The following WDR44 variants were observed in gnomAD, a reference collection of about 807,000 sequenced individuals.
WDR44 encodes WD repeat domain 44.
In WDR44, 9 loss-of-function variants were observed where a neutral mutation model predicts 65.7. The observed-to-expected ratio is 0.14, with a 90% CI of 0.08 to 0.24. WDR44 has a LOEUF of 0.24. Among genes scored for constraint, WDR44 ranks in the 10% least tolerant of loss-of-function variants. The pLI is 1.00. For synonymous variants in WDR44, 220 were observed against 235.2 expected, an observed-to-expected ratio of 0.94 and a Z score of 0.59; for missense variants, 425 against 670.9, an observed-to-expected ratio of 0.63 and a Z score of 4.05.
At chrX:118,350,133 T>C (rs1371222281) in intron 1 of WDR44, among the ~76,000 whole-genome samples, 1 of 112,029 alleles carries the variant, frequency 8.9e-6, no homozygotes, top group East Asian at 2.8e-4. Flanking sequence ...AAATTCCACT[T>C]TCTTTCAGCA....
intron 14 of WDR44, among the ~76,000 whole-genome samples, chrX:118,440,949 C>CT (rs1214126337): frequency 0.062 from 3,114 of 50,325 alleles, 742 homozygotes; most frequent in East Asian, 0.12. Flanking sequence ...TAAATGAAAT[C>CT]TTTTTTTTTT....
At chrX:118,383,359 A>T (rs1005787006) in intron 2 of WDR44, among the ~76,000 whole-genome samples, 14 of 111,715 alleles carry the variant, frequency 1.3e-4, no homozygotes, top group African/African-American at 4.2e-4. Context: ...CACGCCTGTT[A>T]TCCCAACACT....
At chrX:118,371,754 A>G (rs1275708995) in intron 1 of WDR44, among the ~76,000 whole-genome samples, 1 of 111,243 alleles carries the variant, frequency 9.0e-6, no homozygotes, top group Non-Finnish European at 1.9e-5. Flanking sequence ...TGAAGCTCTC[A>G]TTTTGGTTTG....
chrX:118,394,791 G>T (rs2056851776), intron 5 of WDR44, among the ~76,000 whole-genome samples: 1 of 111,033 alleles, frequency 9.0e-6, no homozygotes, highest in African/African-American at 3.3e-5. Context: ...GCTTTAGGAG[G>T]TTCCCCAAGC....
intron 1 of WDR44, among the ~76,000 whole-genome samples, chrX:118,352,358 T>A (rs1197906907): frequency 2.1e-3 from 90 of 43,295 alleles, no homozygotes; most frequent in African/African-American, 5.1e-3. Flanking sequence ...ATATATTTTT[T>A]TTTTTTTTTT....
intron 9 of WDR44, among the ~76,000 whole-genome samples, chrX:118,406,534 G>T (rs1010690558): frequency 4.5e-5 from 5 of 111,558 alleles, no homozygotes; most frequent in African/African-American, 1.3e-4. Flanking sequence ...CTTATTCAGT[G>T]CCTGGGACTG....
intron 9 of WDR44, 93 bp downstream of exon 9, chrX:118,404,537 A>C: frequency 1.6e-6 from 1 of 617,481 alleles, no homozygotes; most frequent in Non-Finnish European, 2.4e-6. Flanking sequence ...TCTATTTAAA[A>C]TAGTAAACCT....
intron 12 of WDR44, among the ~76,000 whole-genome samples, chrX:118,424,309 A>ATGTGTG (rs1294615975): frequency 1.4e-4 from 11 of 81,366 alleles, no homozygotes; most frequent in Admixed American, 4.4e-4. Flanking sequence ...GTATATATAT[A>ATGTGTG]TATGTGTGTG....
At chrX:118,442,737 A>G (rs2057313447) in intron 17 of WDR44, 57 bp downstream of exon 17, 25 of 974,605 alleles carry the variant, frequency 2.6e-5, no homozygotes, top group Non-Finnish European at 3.6e-5. Context: ...CCCTAGTTCC[A>G]TTTTTCCATT....
At chrX:118,351,871 G>A (rs1216336909) in intron 1 of WDR44, among the ~76,000 whole-genome samples, 1 of 110,655 alleles carries the variant, frequency 9.0e-6, no homozygotes, top group African/African-American at 3.3e-5. Flanking sequence ...GAACCCGGGA[G>A]GCGGAGGTTA....
chrX:118,385,715 A>G (rs1254214193), intron 2 of WDR44, among the ~76,000 whole-genome samples: 1 of 111,938 alleles, frequency 8.9e-6, no homozygotes, highest in African/African-American at 3.2e-5. Flanking sequence ...AGCTAAGGCT[A>G]TTTTGAGATG....
intron 12 of WDR44, among the ~76,000 whole-genome samples, chrX:118,426,919 A>G (rs2057161823): frequency 9.0e-6 from 1 of 111,357 alleles, no homozygotes; most frequent in South Asian, 3.7e-4. Context: ...TGAACAACCT[A>G]AATTTCTAAC....
intron 12 of WDR44, among the ~76,000 whole-genome samples, chrX:118,421,897 C>T (rs1338619311): frequency 2.7e-5 from 3 of 111,490 alleles, no homozygotes; most frequent in Non-Finnish European, 5.6e-5. Flanking sequence ...GACCTCATGG[C>T]TTCTAAGAAT....
At chrX:118,436,007 C>T (rs1031854577) in intron 13 of WDR44, among the ~76,000 whole-genome samples, 4 of 112,069 alleles carry the variant, frequency 3.6e-5, no homozygotes, top group African/African-American at 9.7e-5. Context: ...CATAGTTCTC[C>T]TCCTTAAATA....
intron 13 of WDR44, among the ~76,000 whole-genome samples, chrX:118,433,744 G>A (rs985007510): frequency 8.9e-6 from 1 of 112,013 alleles, no homozygotes; most frequent in African/African-American, 3.2e-5. Flanking sequence ...AACTGAGCTA[G>A]TAAATATAAA....
At chrX:118,443,306 A>C (rs1345928757) in intron 17 of WDR44, among the ~76,000 whole-genome samples, 2 of 111,527 alleles carry the variant, frequency 1.8e-5, no homozygotes, top group Admixed American at 1.9e-4. Flanking sequence ...TTCACACCTT[A>C]AATCATCATT....
intron 1 of WDR44, among the ~76,000 whole-genome samples, chrX:118,360,603 T>C (rs1329740325): frequency 9.0e-6 from 1 of 111,663 alleles, no homozygotes; most frequent in Non-Finnish European, 1.9e-5. Context: ...CTTTAATTAG[T>C]TGCTTACTTT....
At chrX:118,403,045 G>A (rs1213921300) in intron 8 of WDR44, among the ~76,000 whole-genome samples, 5 of 111,582 alleles carry the variant, frequency 4.5e-5, no homozygotes, top group Non-Finnish European at 7.5e-5. Flanking sequence ...GTAATAAGTG[G>A]GTATCATCTA....
At chrX:118,414,022 A>G (rs775260663) in intron 12 of WDR44, among the ~76,000 whole-genome samples, 3 of 110,258 alleles carry the variant, frequency 2.7e-5, no homozygotes, top group Admixed American at 9.7e-5. Context: ...TGGGTTCTCT[A>G]TTGTTTTCCA....
Sources: allele counts gnomAD v4.1 joint callset (sites outside exome capture counted in the v4.1 genomes callset), GRCh38; gene constraint gnomAD v4.1.1; transcripts MANE v1.5; gene names NCBI Gene and HGNC (gene_info 2026-07-23, HGNC 2026-07-21).